The following FOXN2 variants were observed in gnomAD, a reference collection of about 807,000 sequenced individuals.
The protein encoded by FOXN2 is forkhead box protein N2.
Under a neutral mutation model 41.2 loss-of-function variants are expected in FOXN2, and 19 were observed. That is an observed-to-expected ratio of 0.46 (90% confidence interval 0.32 to 0.68). The LOEUF is 0.68. FOXN2 is among the 30% of genes least tolerant of loss of function. The pLI is 0.03. For missense variants in FOXN2, 587 were observed against 509.4 expected, an observed-to-expected ratio of 1.15 and a Z score of -1.47; for synonymous variants, 195 against 176.8, an observed-to-expected ratio of 1.10 and a Z score of -0.82.
At chr2:48,337,434 G>C (rs1670440026) in intron 2 of FOXN2, among the ~76,000 whole-genome samples, 1 of 151,796 alleles carries the variant, frequency 6.6e-6, no homozygotes, top group African/African-American at 2.4e-5. Flanking sequence ...AAGTAGCTGG[G>C]ACCACAGGTG....
At chr2:48,315,355 G>T (rs1279257989) in intron 1 of FOXN2, among the ~76,000 whole-genome samples, 1 of 152,310 alleles carries the variant, frequency 6.6e-6, no homozygotes, top group East Asian at 1.9e-4. Context: ...GCACGGGGAG[G>T]TGCCGGGGGC....
rs150047272 is a variant in FOXN2, at chr2:48,361,932, A to T, written c.639-711A>T. 2.6e-5 allele frequency among the ~76,000 whole-genome samples: 4 copies of T among 152,198 alleles called. No homozygotes were observed. In the South Asian group the frequency reaches 8.3e-4, roughly 31 times the overall value. ...TGCTTTTATTTTTGTGGTAATACCTATATTAGTATTATATCAAACTTAAGA... is the reference window on the plus strand; with the variant it reads ...TGCTTTTATTTTTGTGGTAATACCTTTATTAGTATTATATCAAACTTAAGA... On this transcript the variant is annotated intron_variant, in intron 4 of 6. Coordinates refer to ENST00000340553, the MANE Select transcript of FOXN2 (RefSeq NM_002158.4).
chr2:48,320,446 G>A (rs1377868249), intron 1 of FOXN2, among the ~76,000 whole-genome samples: 1 of 151,780 alleles, frequency 6.6e-6, no homozygotes, highest in Non-Finnish European at 1.5e-5. Flanking sequence ...ACACACCACC[G>A]CGCCTGGCTA....
rs1271479145 is a variant in FOXN2, at chr2:48,375,307, A to AAC, written c.1162_1163dup (p.Gln388HisfsTer28). ...GGGCAGTCAGGCAAAAAGATGCGAAAACAGACATGTCAAGAAATTGATGAG... is the reference window on the plus strand; with the variant it reads ...GGGCAGTCAGGCAAAAAGATGCGAAAACACAGACATGTCAAGAAATTGATGAG... On this transcript the variant is annotated frameshift_variant, in exon 7 of 7. Transcript: ENST00000340553. LOFTEE classifies it high-confidence loss of function. 6.2e-7 allele frequency: 1 copy of AAC among 1,613,986 alleles called. No individual in the cohort carries two copies. The highest frequency in any genetic ancestry group is 8.5e-7 in the Non-Finnish European group (1 of 1,179,970).
At chr2:48,354,222 A>G (rs1324886416) in intron 3 of FOXN2, among the ~76,000 whole-genome samples, 2 of 152,234 alleles carry the variant, frequency 1.3e-5, no homozygotes, top group Admixed American at 1.3e-4. Context: ...ACAGTGTCAA[A>G]TGTTGCAGAA....
intron 5 of FOXN2, among the ~76,000 whole-genome samples, chr2:48,371,450 C>G (rs1036193748): frequency 5.3e-5 from 8 of 151,750 alleles, no homozygotes; most frequent in African/African-American, 1.9e-4. Flanking sequence ...GTTCTCTATT[C>G]TGTTCCATTG....
rs753694020 is a variant in FOXN2 at position 48,353,080 on chromosome 2, TA to T, written c.538-5964del. 1.6e-4 allele frequency among the ~76,000 whole-genome samples: 25 copies of T among 152,310 alleles called. No individual in the cohort carries two copies. The East Asian group carries it at 1.9e-3, about 12-fold the overall frequency. On this transcript the variant is annotated intron_variant, in intron 3 of 6. Coordinates refer to ENST00000340553, the MANE Select transcript of FOXN2 (RefSeq NM_002158.4). ...AGATCCAGATAGATGTGTGACTTGG[TA>T]AAGTTAGACTCTCTGAGCCTCATTT...
chr2:48,346,137 T>G (rs1671082485), intron 2 of FOXN2, 64 bp from the exon 3 acceptor site: 1 of 1,402,988 alleles, frequency 7.1e-7, no homozygotes, highest in Non-Finnish European at 9.7e-7. Context: ...TACATATGTA[T>G]TTTCTTTTTC....
Position 48,318,009 on chromosome 2 carries a change from C to T in FOXN2, c.-157+3195C>T, listed in dbSNP as rs1387297932. On this transcript the variant is annotated intron_variant, in intron 1 of 6. Coordinates refer to ENST00000340553, the MANE Select transcript of FOXN2 (RefSeq NM_002158.4). ...TCAAAAGAATGTTTATTATTATTTG[C>T]TTCTAAGGGATTTTGATCCATATAT... Among the ~76,000 whole-genome samples, 3 of 152,242 alleles carry T rather than the reference C, an allele frequency of 2.0e-5. No homozygotes were observed. The East Asian group carries it at 5.8e-4, about 29-fold the overall frequency.
chr2:48,343,073 C>A (rs186979597), intron 2 of FOXN2, among the ~76,000 whole-genome samples: 32 of 152,226 alleles, frequency 2.1e-4, no homozygotes, highest in African/African-American at 7.2e-4. Flanking sequence ...CTCACTATTT[C>A]TGTTTTAAGT....
chr2:48,343,967 G>A (rs190742765), intron 2 of FOXN2, among the ~76,000 whole-genome samples: 141 of 152,258 alleles, frequency 9.3e-4, no homozygotes, highest in African/African-American at 3.3e-3. Flanking sequence ...GAAGATAGAT[G>A]GAGATTTAAG....
intron 1 of FOXN2, among the ~76,000 whole-genome samples, chr2:48,320,589 C>T (rs1264222154): frequency 1.3e-5 from 2 of 152,076 alleles, no homozygotes; most frequent in East Asian, 1.9e-4. Flanking sequence ...TGCACCTGGC[C>T]ATAATTTAAT....
At chr2:48,365,954 T>G (rs1672501576) in intron 5 of FOXN2, among the ~76,000 whole-genome samples, 1 of 152,188 alleles carries the variant, frequency 6.6e-6, no homozygotes, top group Admixed American at 6.5e-5. Flanking sequence ...ACCAAGTGGA[T>G]TAGACATTCA....
intron 2 of FOXN2, among the ~76,000 whole-genome samples, chr2:48,338,831 C>G (rs1206655366): frequency 1.3e-5 from 2 of 152,014 alleles, no homozygotes; most frequent in Non-Finnish European, 2.9e-5. Flanking sequence ...ATAAAACAAA[C>G]TGTAGACCAT....
chr2:48,325,844 CTTTTTTTTTTT>C (rs959535701), intron 1 of FOXN2, among the ~76,000 whole-genome samples: 2 of 102,932 alleles, frequency 1.9e-5, no homozygotes, highest in South Asian at 3.4e-4. Flanking sequence ...CTCAAGATTT[CTTTTTTTTTTT>C]TTTTTTTTTT....
rs189629740 is a variant in FOXN2 at position 48,366,397 on chromosome 2, G to A, written c.703+3690G>A. On this transcript the variant is annotated intron_variant, in intron 5 of 6. Coordinates refer to ENST00000340553, the MANE Select transcript of FOXN2 (RefSeq NM_002158.4). ...TGATGGAGAACACCTGATTATCAACGATTTGTCCAAGGTACAACCTCAAAC... is the reference window on the plus strand; with the variant it reads ...TGATGGAGAACACCTGATTATCAACAATTTGTCCAAGGTACAACCTCAAAC... 6.6e-5 allele frequency among the ~76,000 whole-genome samples: 10 copies of A among 150,706 alleles called. No individual in the cohort carries two copies. The East Asian group carries it at 1.2e-3, about 18-fold the overall frequency.
At chr2:48,338,455 G>A (rs1262260324) in intron 2 of FOXN2, among the ~76,000 whole-genome samples, 5 of 151,596 alleles carry the variant, frequency 3.3e-5, no homozygotes. Flanking sequence ...AGGCTGGAGT[G>A]CAGTGGCGCG....
chr2:48,333,591 C>T (rs573620736), intron 2 of FOXN2, among the ~76,000 whole-genome samples: 2 of 152,206 alleles, frequency 1.3e-5, no homozygotes, highest in South Asian at 4.1e-4. Flanking sequence ...GCTCTTTACC[C>T]TTATTAAGAT....
In FOXN2 at chr2:48,362,714, G is replaced by T; in HGVS notation, c.703+7G>T. On this transcript the variant is annotated splice_region_variant and intron_variant, in intron 5 of 6. Coordinates refer to ENST00000340553, the MANE Select transcript of FOXN2 (RefSeq NM_002158.4). ...CAGGTGCGAAACCTCAAAGGTATGT[G>T]TGAATATCAGTACAGTCATGCACCA... The T allele has an allele frequency of 6.2e-7, 1 of 1,607,878 alleles. No individual in the cohort carries two copies. The highest frequency in any genetic ancestry group is 8.5e-7 in the Non-Finnish European group (1 of 1,174,344).
Sources: gnomAD v4.1 joint callset for allele counts (sites outside exome capture counted in the v4.1 genomes callset) on GRCh38, gnomAD v4.1.1 for gene constraint, MANE v1.5 for transcripts, NCBI Gene and HGNC (gene_info 2026-07-23, HGNC 2026-07-21) for gene names.